The following KCNMB4 variants were observed in gnomAD, a reference collection of about 807,000 sequenced individuals.
KCNMB4 encodes potassium calcium-activated channel subfamily M regulatory beta subunit 4.
In KCNMB4, 3 loss-of-function variants were observed where a neutral mutation model predicts 20.7. That is an observed-to-expected ratio of 0.14 (90% CI 0.07 to 0.37). KCNMB4 has a LOEUF of 0.37. Among genes scored for constraint, KCNMB4 ranks in the 10% least tolerant of loss-of-function variants. KCNMB4 has a pLI of 1.00. For synonymous variants in KCNMB4, 110 were observed against 113.4 expected (o/e 0.97, Z 0.19); for missense variants, 168 against 265.9 (o/e 0.63, Z 2.56).
chr12:70,379,889 C>T (rs1883754651), intron 1 of KCNMB4, among the ~76,000 whole-genome samples: 1 of 152,148 alleles, frequency 6.6e-6, no homozygotes, highest in Non-Finnish European at 1.5e-5. Flanking sequence ...GATCCTCTAT[C>T]CAGACCACTA....
At chr12:70,417,116 A>G (rs1868932394) in intron 2 of KCNMB4, among the ~76,000 whole-genome samples, 1 of 152,168 alleles carries the variant, frequency 6.6e-6, no homozygotes, top group Non-Finnish European at 1.5e-5. Flanking sequence ...TGATGGGTAG[A>G]TTTTTCTTCA....
At chr12:70,388,931 G>A (rs1186533609) in intron 1 of KCNMB4, among the ~76,000 whole-genome samples, 1 of 151,132 alleles carries the variant, frequency 6.6e-6, no homozygotes, top group Non-Finnish European at 1.5e-5. Context: ...AAACCCTTGT[G>A]CCACCCAGAG....
At chr12:70,423,511 A>G (rs1481157327) in intron 2 of KCNMB4, among the ~76,000 whole-genome samples, 1 of 151,752 alleles carries the variant, frequency 6.6e-6, no homozygotes, top group Admixed American at 6.6e-5. Flanking sequence ...TCTGTCGCCC[A>G]GGCTGGAATG....
intron 2 of KCNMB4, among the ~76,000 whole-genome samples, chr12:70,409,439 A>G (rs1026038393): frequency 6.6e-6 from 1 of 152,152 alleles, no homozygotes; most frequent in South Asian, 2.1e-4. Flanking sequence ...CTTCTTATCT[A>G]TAGGATAAAG....
chr12:70,424,304 A>G (rs1869149502), intron 2 of KCNMB4, among the ~76,000 whole-genome samples: 1 of 152,208 alleles, frequency 6.6e-6, no homozygotes, highest in South Asian at 2.1e-4. Context: ...TCTTCAGCTT[A>G]AGATAATCTT....
intron 1 of KCNMB4, among the ~76,000 whole-genome samples, chr12:70,393,881 A>G (rs1308007868): frequency 6.6e-6 from 1 of 152,028 alleles, no homozygotes; most frequent in African/African-American, 2.4e-5. Context: ...ACATCCATAC[A>G]CAGCCTCTGT....
At chr12:70,376,436 G>C (rs988145631) in intron 1 of KCNMB4, among the ~76,000 whole-genome samples, 1 of 151,994 alleles carries the variant, frequency 6.6e-6, no homozygotes, top group Admixed American at 6.6e-5. Flanking sequence ...CTTATATATA[G>C]TAACTCCTAA....
chr12:70,429,023 A>C (rs1023558555), intron 2 of KCNMB4, among the ~76,000 whole-genome samples: 24 of 152,378 alleles, frequency 1.6e-4, no homozygotes, highest in Non-Finnish European at 2.9e-4. Flanking sequence ...AAAAAATGCA[A>C]GGATTTTGTA....
At chr12:70,400,472 C>A (rs1490512243) in intron 2 of KCNMB4, 136 bp downstream of exon 2, 21 of 853,972 alleles carry the variant, frequency 2.5e-5, no homozygotes, top group Middle Eastern at 3.1e-4. Context: ...TTAGGGAAAC[C>A]CATATAATGA....
intron 2 of KCNMB4, among the ~76,000 whole-genome samples, chr12:70,412,887 A>G (rs1432281112): frequency 6.6e-6 from 1 of 152,254 alleles, no homozygotes; most frequent in Non-Finnish European, 1.5e-5. Flanking sequence ...ATTAGAGAAT[A>G]GACTGGTTCT....
chr12:70,427,677 C>G (rs962510006), intron 2 of KCNMB4, among the ~76,000 whole-genome samples: 2 of 152,122 alleles, frequency 1.3e-5, no homozygotes, highest in African/African-American at 4.8e-5. Flanking sequence ...TATCTGGGTC[C>G]AGCATTTTCC....
chr12:70,430,928 C>G lies in KCNMB4; in HGVS notation c.*275C>G. On this transcript the variant is annotated 3_prime_UTR_variant, in exon 3 of 3. Coordinates refer to ENST00000258111, the MANE Select transcript of KCNMB4 (RefSeq NM_014505.6). ...ACCCTATAAGAAGTTCATTTTCTTT[C>G]AAAAGTAACAGTATATTATTTGTAC... 3.3e-6 allele frequency: 1 copy of G among 304,062 alleles called. No individual in the cohort carries two copies. The highest frequency in any genetic ancestry group is 6.7e-5 in the South Asian group (1 of 14,998). 18.8% of individuals were successfully genotyped at this position (304,062 alleles called of 1,614,324 possible).
At chr12:70,405,232 A>C (rs1216220255) in intron 2 of KCNMB4, among the ~76,000 whole-genome samples, 1 of 152,220 alleles carries the variant, frequency 6.6e-6, no homozygotes, top group Non-Finnish European at 1.5e-5. Flanking sequence ...TTTGCAAACT[A>C]TATATCTGCT....
At chr12:70,405,296 A>G (rs986344862) in intron 2 of KCNMB4, among the ~76,000 whole-genome samples, 1 of 152,212 alleles carries the variant, frequency 6.6e-6, no homozygotes, top group Non-Finnish European at 1.5e-5. Context: ...ATAGTAAAAG[A>G]AACTAATAAT....
At chr12:70,407,245 T>C (rs776104096) in intron 2 of KCNMB4, among the ~76,000 whole-genome samples, 3 of 152,104 alleles carry the variant, frequency 2.0e-5, no homozygotes, top group Admixed American at 6.5e-5. Flanking sequence ...AACTGCCAGA[T>C]GGAAGAGATG....
In KCNMB4 at chr12:70,416,974, C is replaced by T. The variant is rs1458343998; in HGVS notation, c.465-13511C>T. On this transcript the variant is annotated intron_variant, in intron 2 of 2. Coordinates refer to ENST00000258111, the MANE Select transcript of KCNMB4 (RefSeq NM_014505.6). ...ATGATGATATTATAACAGAAGGTAG[C>T]GCTTTCTTCAGAAAGACATGCAGCT... Among the ~76,000 whole-genome samples the T allele has an allele frequency of 2.6e-5, 4 of 152,156 alleles. 1 individual carries two copies. Among genetic ancestry groups the T allele is most frequent in the African/African-American group, 9.7e-5 (4 of 41,428 alleles).
chr12:70,382,921 G>C (rs943058472), intron 1 of KCNMB4, among the ~76,000 whole-genome samples: 1 of 152,128 alleles, frequency 6.6e-6, no homozygotes, highest in Non-Finnish European at 1.5e-5. Context: ...AACCTAGATA[G>C]TATAGCCTAC....
At chr12:70,400,142 T>TA (rs1868412370) in intron 1 of KCNMB4, 67 bp from the exon 2 acceptor site, 11 of 1,261,870 alleles carry the variant, frequency 8.7e-6, no homozygotes, top group African/African-American at 1.5e-5. Context: ...CATCTTTCTA[T>TA]AAAAAAAGAC....
intron 2 of KCNMB4, among the ~76,000 whole-genome samples, chr12:70,417,187 A>G (rs1320328280): frequency 6.6e-6 from 1 of 152,236 alleles, no homozygotes. Context: ...ACAATTTCCT[A>G]AGAGTAAATT....
Sources: allele counts gnomAD v4.1 joint callset (sites outside exome capture counted in the v4.1 genomes callset), GRCh38; gene constraint gnomAD v4.1.1; transcripts MANE v1.5; gene names NCBI Gene and HGNC (gene_info 2026-07-23, HGNC 2026-07-21).